The following UBAC2 variants were observed in gnomAD, a reference collection of about 807,000 sequenced individuals.
UBAC2 encodes ubiquitin-associated domain-containing protein 2.
Under a neutral mutation model 44.0 loss-of-function variants are expected in UBAC2, and 26 were observed. The observed-to-expected ratio is 0.59, with a 90% CI of 0.43 to 0.82. The LOEUF (loss-of-function observed/expected upper bound fraction) is 0.82. Ranked by LOEUF, UBAC2 falls within the 40% of genes least tolerant of loss-of-function variation. The probability of loss-of-function intolerance (pLI) is 0.00; values close to 1 mark genes in which losing one functional copy is unlikely to be tolerated. For missense variants in UBAC2, 329 were observed against 419.4 expected (o/e 0.78, Z 1.88); for synonymous variants, 155 against 154.3 (o/e 1.00, Z -0.04).
rs558462208 is a variant in UBAC2 at position 99,287,677 on chromosome 13, G to A, written c.390-26420G>A. Among the ~76,000 whole-genome samples, 3 of 134,714 alleles carry A rather than the reference G, an allele frequency of 2.2e-5. No individual in the cohort carries two copies. In the Admixed American group the frequency reaches 2.4e-4, roughly 11 times the overall value. The allele number at this position is 134,714 out of a possible 152,430, so 88.4% of individuals were successfully genotyped here. A position where few individuals can be genotyped will look rare whatever the true frequency, so the allele number is the denominator to read the frequency against. On this transcript the variant is annotated intron_variant, in intron 4 of 8. Transcript: ENST00000403766. The stretch of plus-strand genomic sequence containing the variant: ...TTTTTTTTTTTTTGGTAGAGACGAG[G>A]TTTCGCCATGTTGCCCAGGCTGATC...
At chr13:99,338,770 C>T (rs1436300080) in intron 6 of UBAC2, among the ~76,000 whole-genome samples, 1 of 152,182 alleles carries the variant, frequency 6.6e-6, no homozygotes, top group Non-Finnish European at 1.5e-5. Context: ...TATCAAACAC[C>T]TCCATTTGCA....
intron 4 of UBAC2, among the ~76,000 whole-genome samples, chr13:99,297,465 G>C (rs2044193884): frequency 6.6e-6 from 1 of 152,088 alleles, no homozygotes; most frequent in African/African-American, 2.4e-5. Context: ...TCTCCCTGCT[G>C]TATTAAATGA....
intron 6 of UBAC2, among the ~76,000 whole-genome samples, chr13:99,319,489 C>T (rs1322080593): frequency 6.6e-6 from 1 of 152,204 alleles, no homozygotes; most frequent in Non-Finnish European, 1.5e-5. Context: ...TACCCCTCTT[C>T]TTCCTTTAAG....
At chr13:99,306,476 G>A (rs1452664522) in intron 4 of UBAC2, among the ~76,000 whole-genome samples, 4 of 151,838 alleles carry the variant, frequency 2.6e-5, no homozygotes, top group South Asian at 2.1e-4. Flanking sequence ...ACACTATATT[G>A]TACTCAGAGT....
chr13:99,293,647 G>A (rs1348492689), intron 4 of UBAC2, among the ~76,000 whole-genome samples: 1 of 152,172 alleles, frequency 6.6e-6, no homozygotes, highest in African/African-American at 2.4e-5. Flanking sequence ...AAAGACCAGT[G>A]CCTATTTTTG....
At chr13:99,351,095 G>T (rs1331670147) in intron 7 of UBAC2, among the ~76,000 whole-genome samples, 1 of 152,202 alleles carries the variant, frequency 6.6e-6, no homozygotes, top group African/African-American at 2.4e-5. Context: ...TCAATCCTGG[G>T]TTGACAGGGA....
intron 7 of UBAC2, among the ~76,000 whole-genome samples, chr13:99,344,668 A>G (rs1046370229): frequency 2.0e-5 from 3 of 152,188 alleles, no homozygotes; most frequent in South Asian, 2.1e-4. Flanking sequence ...ATAACACTCA[A>G]GTCTTGATTC....
intron 6 of UBAC2, among the ~76,000 whole-genome samples, chr13:99,319,638 A>G (rs1448850743): frequency 6.6e-6 from 1 of 152,064 alleles, no homozygotes; most frequent in African/African-American, 2.4e-5. Flanking sequence ...TTTCACATCT[A>G]CCCAGATACC....
chr13:99,375,418 C>G (rs2045466842), intron 8 of UBAC2, among the ~76,000 whole-genome samples: 1 of 152,114 alleles, frequency 6.6e-6, no homozygotes, highest in African/African-American at 2.4e-5. Flanking sequence ...GTAACCGGTG[C>G]CAGTTGCTAT....
At chr13:99,276,544 G>A (rs2043885534) in intron 4 of UBAC2, among the ~76,000 whole-genome samples, 1 of 152,232 alleles carries the variant, frequency 6.6e-6, no homozygotes, top group Admixed American at 6.5e-5. Flanking sequence ...CCTTCTGTGG[G>A]CACCCCACCC....
At chr13:99,210,221 C>T (rs1338365881) in intron 1 of UBAC2, among the ~76,000 whole-genome samples, 3 of 152,058 alleles carry the variant, frequency 2.0e-5, no homozygotes, top group Non-Finnish European at 4.4e-5. Context: ...AAAATGAGTA[C>T]GTGTTCATCA....
chr13:99,269,228 C>A (rs866413183), intron 4 of UBAC2, among the ~76,000 whole-genome samples: 1 of 152,074 alleles, frequency 6.6e-6, no homozygotes, highest in Non-Finnish European at 1.5e-5. Context: ...CCCTTTAAAC[C>A]GTGAGCATTC....
intron 7 of UBAC2, among the ~76,000 whole-genome samples, chr13:99,350,452 C>T (rs2045066641): frequency 6.6e-6 from 1 of 152,136 alleles, no homozygotes; most frequent in South Asian, 2.1e-4. Flanking sequence ...TCACCAATGG[C>T]CAGTGATATA....
At chr13:99,260,346 G>A (rs186050256) in intron 4 of UBAC2, among the ~76,000 whole-genome samples, 76 of 152,322 alleles carry the variant, frequency 5.0e-4, no homozygotes, top group Non-Finnish European at 6.3e-4. Context: ...TTGCATATGT[G>A]TGTAGAGAAG....
chr13:99,375,970 AT>A (rs34164759), intron 8 of UBAC2, among the ~76,000 whole-genome samples: 47,539 of 130,734 alleles, frequency 0.36, 8,436 homozygotes, highest in East Asian at 0.44. Context: ...AGCCCAGCTA[AT>A]TTTTTTTTTT....
intron 4 of UBAC2, 30 bp from the exon 5 acceptor site, chr13:99,314,067 A>G (rs377718691): frequency 1.8e-5 from 29 of 1,589,300 alleles, no homozygotes; most frequent in Non-Finnish European, 2.2e-5. Flanking sequence ...ATTCACTATT[A>G]TAGTGATTTT....
chr13:99,358,197 T>C (rs1008029804), intron 7 of UBAC2, among the ~76,000 whole-genome samples: 1 of 152,198 alleles, frequency 6.6e-6, no homozygotes, highest in Non-Finnish European at 1.5e-5. Flanking sequence ...AGGAGTCTGG[T>C]AAGCCCAGGT....
At chr13:99,294,951 A>C in intron 4 of UBAC2, 1 of 1,277,114 alleles carries the variant, frequency 7.8e-7, no homozygotes, top group South Asian at 1.5e-5. Flanking sequence ...AATGAAAGAA[A>C]TATAAAAGAA....
At chr13:99,341,425 G>T (rs970111144) in intron 7 of UBAC2, among the ~76,000 whole-genome samples, 1 of 150,644 alleles carries the variant, frequency 6.6e-6, no homozygotes, top group African/African-American at 2.4e-5. Flanking sequence ...ATCAGGGGGG[G>T]GGAGGAAGGG....
Sources: gnomAD v4.1 joint callset for allele counts (sites outside exome capture counted in the v4.1 genomes callset) on GRCh38, gnomAD v4.1.1 for gene constraint, MANE v1.5 for transcripts, NCBI Gene and HGNC (gene_info 2026-07-23, HGNC 2026-07-21) for gene names.